Variants in DIABLO observed in about 807,000 individuals in gnomAD.
DIABLO encodes the protein diablo homolog, mitochondrial.
DIABLO carries 32 observed loss-of-function variants against 31.7 expected under a neutral mutation model. The observed-to-expected ratio is 1.01, with a 90% CI of 0.76 to 1.35. The LOEUF is 1.35. Among genes scored for constraint, DIABLO ranks in the 40% most tolerant of loss-of-function variants. DIABLO has a pLI of 0.00. For synonymous variants in DIABLO, 132 were observed against 103.2 expected, an observed-to-expected ratio of 1.28 and a Z score of -1.69; for missense variants, 316 against 286.4, an observed-to-expected ratio of 1.10 and a Z score of -0.75.
In DIABLO at chr12:122,208,364, G is replaced by A. The variant is rs1220027230; in HGVS notation, c.*17C>T. 5 of 1,610,842 alleles carry A rather than the reference G, an allele frequency of 3.1e-6. No individual in the cohort carries two copies. The highest frequency in any genetic ancestry group is 4.2e-6 in the Non-Finnish European group (5 of 1,179,914). ...TTTCCCCACTGAGTGGGGAGACAGG[G>A]CAGTGTGCTCAGGCCCTCAATCCTC... On this transcript the variant is annotated 3_prime_UTR_variant, in exon 6 of 6. Transcript: ENST00000464942.
In DIABLO at chr12:122,216,847, A is replaced by C. The variant is rs757907510; in HGVS notation, c.338T>G (p.Leu113Arg). The C allele has an allele frequency of 3.1e-6, 5 of 1,614,032 alleles. No homozygotes were observed. The highest frequency in any genetic ancestry group is 4.2e-6 in the Non-Finnish European group (5 of 1,179,956). Reference protein sequence around the residue: ...YTKAVYTLTSLYRQYTSLLGK... With the variant: ...YTKAVYTLTSRYRQYTSLLGK... ...AAGTAAACTTGTATATTGTCGGTAA[A>C]GAGAAGTTAAGGTATAAACAGCCTA... The change falls in exon 4 of 6, where the codon CTT becomes CGT. Residue 113 changes from leucine (L) to arginine (R), a missense_variant. Physicochemically the swap from Leu to Arg is moderately radical, Grantham distance 102. Transcript: ENST00000464942.
intron 5 of DIABLO, chr12:122,208,931 A>G (rs1427787771): frequency 2.7e-6 from 1 of 375,434 alleles, no homozygotes; most frequent in African/African-American, 2.1e-5. Flanking sequence ...ATCATGAATA[A>G]AATTGTCAAA....
chr12:122,217,282 A>C (rs1185310267), intron 3 of DIABLO: 1 of 232,628 alleles, frequency 4.3e-6, no homozygotes. Flanking sequence ...GGAGGCTAAG[A>C]CACGTGGATC....
chr12:122,225,368 C>T, intron 1 of DIABLO: 1 of 986,012 alleles, frequency 1.0e-6, no homozygotes, highest in Non-Finnish European at 1.2e-6. Flanking sequence ...GCCTGGGCGA[C>T]AGAGGCAGAT....
At position 122,216,788 on chromosome 12, in the gene DIABLO, A is replaced by G. The variant is rs1954222584; in HGVS notation, c.397T>C (p.Trp133Arg). 1 of 1,614,208 alleles carries G rather than the reference A, an allele frequency of 6.2e-7. No individual in the cohort carries two copies. The change falls in exon 4 of 6, where the codon TGG becomes CGG. Residue 133 changes from tryptophan to arginine, a missense_variant. Trp to Arg is a moderately radical substitution (Grantham distance 101). Transcript: ENST00000464942. ...KMNSEEEDEV[W>R]QVIIGARAEM... ...GCTCTGGCTCCTATGATCACCTGCCACACTTCATCTTCCTCCTCTGAATTC... is the reference window on the plus strand; with the variant it reads ...GCTCTGGCTCCTATGATCACCTGCCGCACTTCATCTTCCTCCTCTGAATTC...
rs995700158 is a variant in DIABLO, at chr12:122,209,929, G to A, written c.524-1352C>T. 7 of 635,970 alleles carry A rather than the reference G, an allele frequency of 1.1e-5. No individual in the cohort carries two copies. In the East Asian group the frequency reaches 1.6e-4, roughly 15 times the overall value. 39.4% of individuals were successfully genotyped at this position (635,970 alleles called of 1,614,324 possible). A position where few individuals can be genotyped will look rare whatever the true frequency, so the allele number is the denominator to read the frequency against. ...TTAAGAAAATTATCTCTTCATAATT[G>A]TACTTAGATTCGAATCATAAATGGC... On this transcript the variant is annotated intron_variant, in intron 5 of 5. Coordinates refer to ENST00000464942, the MANE Select transcript of DIABLO (RefSeq NM_001371333.1).
At chr12:122,214,966 A>G (rs1442135294) in intron 5 of DIABLO, among the ~76,000 whole-genome samples, 5 of 152,156 alleles carry the variant, frequency 3.3e-5, no homozygotes, top group African/African-American at 9.7e-5. Context: ...TGGCCCCCCA[A>G]AGTGCTGGGA....
At chr12:122,221,165 A>C (rs1162088363) in intron 2 of DIABLO, 1 of 152,216 alleles carries the variant, frequency 6.6e-6, no homozygotes, top group African/African-American at 2.4e-5. Context: ...TAAGTGGCCA[A>C]AAAGGAGGAG....
At chr12:122,226,348 A>C, upstream of DIABLO, 1 of 425,936 alleles carries the variant, frequency 2.3e-6, no homozygotes, top group Non-Finnish European at 4.2e-6. Context: ...CTTGAAGGGA[A>C]TTTCCTGGTG....
chr12:122,214,315 G>T (rs1954156872), intron 5 of DIABLO, among the ~76,000 whole-genome samples: 1 of 152,014 alleles, frequency 6.6e-6, no homozygotes, highest in Non-Finnish European at 1.5e-5. Context: ...CAAGTAGCTG[G>T]GATTGCAGGT....
At position 122,208,278 on chromosome 12, in the gene DIABLO, CG is replaced by C; in HGVS notation, c.*102del. ...CCTGATTGGCCAGGGCAGGATCTGCCGCCTCTTCTCGGTGCACAGACAGTCA... is the reference window on the plus strand; with the variant it reads ...CCTGATTGGCCAGGGCAGGATCTGCCCCTCTTCTCGGTGCACAGACAGTCA... On this transcript the variant is annotated 3_prime_UTR_variant, in exon 6 of 6. Transcript: ENST00000464942. 1 of 1,399,346 alleles carries C rather than the reference CG, an allele frequency of 7.1e-7. No individual in the cohort carries two copies. The highest frequency in any genetic ancestry group is 1.0e-6 in the Non-Finnish European group (1 of 1,002,080). The allele number at this position is 1,399,346 out of a possible 1,614,324, so 86.7% of individuals were successfully genotyped here. A position where few individuals can be genotyped will look rare whatever the true frequency, so the allele number is the denominator to read the frequency against.
At chr12:122,214,995 G>A (rs1054757617) in intron 5 of DIABLO, among the ~76,000 whole-genome samples, 1 of 152,204 alleles carries the variant, frequency 6.6e-6, no homozygotes, top group African/African-American at 2.4e-5. Flanking sequence ...ATGAGCCACT[G>A]CAACCAGTTT....
At chr12:122,223,893 T>TG (rs1437324981) in intron 2 of DIABLO, among the ~76,000 whole-genome samples, 2 of 152,188 alleles carry the variant, frequency 1.3e-5, no homozygotes, top group African/African-American at 4.8e-5. Context: ...CTCAAACTCC[T>TG]GGGCTCAAGT....
chr12:122,208,185 G>A lies in DIABLO; in HGVS notation c.*196C>T, dbSNP rs1468129901. ...TGTTAAACAGGGTGCAGTGCCCAAGGGCTAAGAACCAGGTCCAGCGCAAGC... is the reference window on the plus strand; with the variant it reads ...TGTTAAACAGGGTGCAGTGCCCAAGAGCTAAGAACCAGGTCCAGCGCAAGC... On this transcript the variant is annotated 3_prime_UTR_variant, in exon 6 of 6. Coordinates refer to ENST00000464942, the MANE Select transcript of DIABLO (RefSeq NM_001371333.1). 4.2e-6 allele frequency: 3 copies of A among 721,700 alleles called. No homozygotes were observed. Among genetic ancestry groups the A allele is most frequent in the South Asian group, 3.0e-5 (2 of 67,190 alleles). 44.7% of individuals were successfully genotyped at this position (721,700 alleles called of 1,614,324 possible). A position where few individuals can be genotyped will look rare whatever the true frequency, so the allele number is the denominator to read the frequency against.
At chr12:122,211,753 G>A (rs960482818) in intron 5 of DIABLO, among the ~76,000 whole-genome samples, 2 of 152,080 alleles carry the variant, frequency 1.3e-5, no homozygotes, top group Non-Finnish European at 2.9e-5. Flanking sequence ...ACCTGCAAGC[G>A]TGCTCAGAAA....
intron 5 of DIABLO, among the ~76,000 whole-genome samples, chr12:122,209,462 A>G (rs1013592648): frequency 6.6e-6 from 1 of 152,032 alleles, no homozygotes; most frequent in Admixed American, 6.6e-5. Flanking sequence ...TCAGGAGTTC[A>G]AGACCAGCCT....
chr12:122,209,455 G>A (rs753561307), intron 5 of DIABLO, among the ~76,000 whole-genome samples: 1 of 152,128 alleles, frequency 6.6e-6, no homozygotes, highest in Non-Finnish European at 1.5e-5. Flanking sequence ...CCTGAGCTCA[G>A]GAGTTCAAGA....
chr12:122,213,087 A>AT (rs1377498808), intron 5 of DIABLO, among the ~76,000 whole-genome samples: 1 of 151,892 alleles, frequency 6.6e-6, no homozygotes, highest in Non-Finnish European at 1.5e-5. Context: ...TGCCTGGCTA[A>AT]TTTTTTTGTA....
chr12:122,225,331 G>A (rs1471751830), intron 1 of DIABLO: 1 of 897,322 alleles, frequency 1.1e-6, no homozygotes, highest in Non-Finnish European at 1.3e-6. Flanking sequence ...AGGTTGCAGT[G>A]AGCTGAGATC....
Sources: gnomAD v4.1 joint callset for allele counts (sites outside exome capture counted in the v4.1 genomes callset) on GRCh38, gnomAD v4.1.1 for gene constraint, MANE v1.5 for transcripts, NCBI Gene and HGNC (gene_info 2026-07-23, HGNC 2026-07-21) for gene names.